The following ARHGAP26 variants were observed in gnomAD, a reference collection of about 807,000 sequenced individuals.
The protein encoded by ARHGAP26 is Rho GTPase activating protein 26, also known as rho GTPase-activating protein 26.
In ARHGAP26, 38 loss-of-function variants were observed where a neutral mutation model predicts 104.8. The observed-to-expected ratio is 0.36, with a 90% confidence interval of 0.28 to 0.48. The LOEUF (loss-of-function observed/expected upper bound fraction) is 0.48. Ranked by LOEUF, ARHGAP26 falls within the 20% of genes least tolerant of loss-of-function variation. The pLI, the probability that ARHGAP26 is intolerant of heterozygous loss-of-function variation, is 0.99. For synonymous variants in ARHGAP26, 341 were observed against 340.0 expected (o/e 1.00, Z -0.03); for missense variants, 704 against 947.9 (o/e 0.74, Z 3.38).
At chr5:143,090,918 G>A (rs889376469) in intron 17 of ARHGAP26, among the ~76,000 whole-genome samples, 1 of 152,156 alleles carries the variant, frequency 6.6e-6, no homozygotes, top group Non-Finnish European at 1.5e-5. Context: ...ACTCAGGAGG[G>A]ACAGAGGTAC....
chr5:142,806,712 G>A (rs747128808), intron 1 of ARHGAP26, among the ~76,000 whole-genome samples: 6 of 152,142 alleles, frequency 3.9e-5, no homozygotes, highest in Non-Finnish European at 8.8e-5. Flanking sequence ...TCCCAGTTAT[G>A]TACCCCCCCA....
chr5:142,880,880 T>A (rs1756901623), intron 4 of ARHGAP26, among the ~76,000 whole-genome samples: 1 of 151,730 alleles, frequency 6.6e-6, no homozygotes, highest in South Asian at 2.1e-4. Flanking sequence ...TTGATTACAG[T>A]TTGAAAGAGG....
intron 9 of ARHGAP26, chr5:142,908,614 G>T (rs1761427890): frequency 6.5e-6 from 1 of 154,064 alleles, no homozygotes; most frequent in Admixed American, 6.5e-5. Context: ...AAGTCATAGA[G>T]CCTTACTTTT....
At chr5:143,182,523 G>T (rs1406394624) in intron 20 of ARHGAP26, among the ~76,000 whole-genome samples, 1 of 152,134 alleles carries the variant, frequency 6.6e-6, no homozygotes, top group Non-Finnish European at 1.5e-5. Flanking sequence ...TTTGTTAAGT[G>T]AATCCGTTTT....
chr5:142,902,211 G>A (rs1760453285), intron 7 of ARHGAP26, among the ~76,000 whole-genome samples, 172 bp downstream of exon 7: 1 of 152,176 alleles, frequency 6.6e-6, no homozygotes, highest in South Asian at 2.1e-4. Flanking sequence ...TGGTGGTTCT[G>A]AGTTAGACCA....
intron 1 of ARHGAP26, among the ~76,000 whole-genome samples, chr5:142,812,684 A>G (rs1235521692): frequency 6.6e-6 from 1 of 152,068 alleles, no homozygotes; most frequent in Non-Finnish European, 1.5e-5. Context: ...CTATAGGCAC[A>G]TGCTATCATG....
intron 10 of ARHGAP26, among the ~76,000 whole-genome samples, chr5:142,917,544 T>C: frequency 6.6e-6 from 1 of 152,238 alleles, no homozygotes; most frequent in Non-Finnish European, 1.5e-5. Flanking sequence ...AATTTGCCTC[T>C]CTTCTTATAT....
intron 1 of ARHGAP26, among the ~76,000 whole-genome samples, chr5:142,844,132 AC>A (rs564569111): frequency 2.7e-4 from 40 of 149,912 alleles, no homozygotes; most frequent in Admixed American, 7.3e-4. Flanking sequence ...GCTCACTGCA[AC>A]CTCCACTTCT....
At chr5:143,013,992 G>A in intron 11 of ARHGAP26, 88 bp from the exon 12 acceptor site, 1 of 1,339,272 alleles carries the variant, frequency 7.5e-7, no homozygotes, top group South Asian at 1.2e-5. Context: ...TGCAAACTAG[G>A]GAAAGTGAGG....
chr5:142,859,540 A>G (rs1026273906), intron 1 of ARHGAP26: 2 of 152,230 alleles, frequency 1.3e-5, no homozygotes, highest in African/African-American at 4.8e-5. Context: ...TATATTGTAC[A>G]ATGCCAATTT....
At chr5:143,145,769 G>A (rs1443835407) in intron 19 of ARHGAP26, among the ~76,000 whole-genome samples, 2 of 152,134 alleles carry the variant, frequency 1.3e-5, no homozygotes, top group African/African-American at 2.4e-5. Context: ...TCAGGAGCTA[G>A]CCTCACAGGG....
At chr5:142,880,116 G>A (rs1022003037) in intron 4 of ARHGAP26, among the ~76,000 whole-genome samples, 7 of 152,210 alleles carry the variant, frequency 4.6e-5, no homozygotes. Flanking sequence ...CTGACCTGGA[G>A]GGACTGTAGC....
intron 1 of ARHGAP26, among the ~76,000 whole-genome samples, chr5:142,833,814 A>G (rs1769004432): frequency 6.6e-6 from 1 of 152,176 alleles, no homozygotes; most frequent in Non-Finnish European, 1.5e-5. Context: ...AGCTGTGAGG[A>G]CCTTTTACTT....
intron 20 of ARHGAP26, among the ~76,000 whole-genome samples, chr5:143,152,773 G>C (rs139121133): frequency 2.0e-5 from 3 of 152,314 alleles, no homozygotes; most frequent in African/African-American, 7.2e-5. Flanking sequence ...GAAGCCTGTT[G>C]TAGCCTCCTT....
At chr5:143,070,204 T>C (rs1788051633) in intron 17 of ARHGAP26, among the ~76,000 whole-genome samples, 1 of 152,240 alleles carries the variant, frequency 6.6e-6, no homozygotes, top group Non-Finnish European at 1.5e-5. Context: ...ATTTTGCTAC[T>C]TTAAGAACTA....
At chr5:143,165,152 A>G (rs1361771696) in intron 20 of ARHGAP26, 1 of 152,182 alleles carries the variant, frequency 6.6e-6, no homozygotes, top group East Asian at 1.9e-4. Flanking sequence ...TGCTTTTTAC[A>G]CATCACCATG....
intron 19 of ARHGAP26, among the ~76,000 whole-genome samples, chr5:143,138,407 C>A (rs1432762343): frequency 6.6e-6 from 1 of 152,250 alleles, no homozygotes; most frequent in East Asian, 1.9e-4. Flanking sequence ...TAGAAAGCAT[C>A]GTAGCAACAA....
chr5:142,963,163 G>GAT lies in ARHGAP26; in HGVS notation c.1107+31038_1107+31039insAT, dbSNP rs1562163912. Among the ~76,000 whole-genome samples, 56 of 112,166 alleles carry GAT rather than the reference G, an allele frequency of 5.0e-4. 3 individuals carry two copies. Among genetic ancestry groups the GAT allele is most frequent in the African/African-American group, 2.0e-3 (47 of 23,002 alleles). 73.6% of individuals were successfully genotyped at this position (112,166 alleles called of 152,430 possible). ...TTTTTATGGCTGTGTAGTATTCCAT[G>GAT]GTATATATGTATATATATATATATA... On this transcript the variant is annotated intron_variant, in intron 11 of 22. Coordinates refer to ENST00000645722, the MANE Select transcript of ARHGAP26 (RefSeq NM_001135608.3).
chr5:142,999,662 A>G (rs1224710036), intron 11 of ARHGAP26, among the ~76,000 whole-genome samples: 6 of 152,166 alleles, frequency 3.9e-5, no homozygotes, highest in Admixed American at 1.3e-4. Flanking sequence ...AAAATCTAAA[A>G]CTATAAAGCC....
Sources: allele counts gnomAD v4.1 joint callset (sites outside exome capture counted in the v4.1 genomes callset), GRCh38; gene constraint gnomAD v4.1.1; transcripts MANE v1.5; gene names NCBI Gene and HGNC (gene_info 2026-07-23, HGNC 2026-07-21).